The following DLAT variants were observed in gnomAD, a reference collection of about 807,000 sequenced individuals.
DLAT encodes dihydrolipoyllysine-residue acetyltransferase component of pyruvate dehydrogenase complex, mitochondrial.
DLAT carries 43 observed loss-of-function variants against 68.0 expected under a neutral mutation model. The observed-to-expected ratio is 0.63, with a 90% confidence interval of 0.50 to 0.81. The LOEUF (loss-of-function observed/expected upper bound fraction) is 0.81. DLAT is among the 40% of genes least tolerant of loss of function. The probability of loss-of-function intolerance (pLI) is 0.00; values close to 1 mark genes in which losing one functional copy is unlikely to be tolerated. For missense variants in DLAT, 745 were observed against 815.4 expected (o/e 0.91, Z 1.05); for synonymous variants, 265 against 288.6 (o/e 0.92, Z 0.83).
At chr11:112,043,596 A>G in intron 8 of DLAT, 63 bp downstream of exon 8, 1 of 1,341,722 alleles carries the variant, frequency 7.5e-7, no homozygotes, top group Non-Finnish European at 1.1e-6. Context: ...AGACCATTTC[A>G]TACATTATTT....
intron 12 of DLAT, 32 bp downstream of exon 12, chr11:112,060,097 T>G: frequency 6.3e-7 from 1 of 1,598,004 alleles, no homozygotes; most frequent in Non-Finnish European, 8.6e-7. Context: ...TCTAATTATG[T>G]TATTTTTAAG....
In DLAT at chr11:112,045,205, A is replaced by G. The variant is rs199838714; in HGVS notation, c.1265A>G (p.Asp422Gly). 1 of 1,614,140 alleles carries G rather than the reference A, an allele frequency of 6.2e-7. No homozygotes were observed. The highest frequency in any genetic ancestry group is 1.3e-5 in the African/African-American group (1 of 75,050). Residue 422 changes from aspartate to glycine, a missense_variant, in exon 9 of 14, where the codon GAT (aspartate) becomes GGT (glycine). Physicochemically the swap from Asp to Gly is moderately conservative, Grantham distance 94 (BLOSUM62 -1). Coordinates refer to ENST00000280346, the MANE Select transcript of DLAT (RefSeq NM_001931.5). ...CCAGTTCCTACAGGTGTCTTCACAGATATCCCAATCAGCAACATTCGTCGG... is the reference window on the plus strand; with the variant it reads ...CCAGTTCCTACAGGTGTCTTCACAGGTATCCCAATCAGCAACATTCGTCGG... Reference protein sequence around the residue: ...MAPVPTGVFTDIPISNIRRVI... With the variant: ...MAPVPTGVFTGIPISNIRRVI...
At chr11:112,052,630 C>A (rs1351825931) in intron 11 of DLAT, among the ~76,000 whole-genome samples, 12 of 152,126 alleles carry the variant, frequency 7.9e-5, no homozygotes, top group African/African-American at 2.9e-4. Flanking sequence ...TCCAGCACTT[C>A]CACAGTTCAG....
intron 3 of DLAT, 68 bp downstream of exon 3, chr11:112,028,707 T>A (rs1201045399): frequency 6.2e-7 from 1 of 1,613,908 alleles, no homozygotes; most frequent in African/African-American, 1.3e-5. Flanking sequence ...GAATTGAGAA[T>A]TAGGAGTTAA....
At chr11:112,047,166 C>T (rs1220241587) in intron 10 of DLAT, among the ~76,000 whole-genome samples, 4 of 152,102 alleles carry the variant, frequency 2.6e-5, no homozygotes, top group East Asian at 1.9e-4. Flanking sequence ...TTGTAACTGG[C>T]GTGAGATGGT....
At chr11:112,031,876 G>A (rs1862417501) in intron 4 of DLAT, among the ~76,000 whole-genome samples, 1 of 136,650 alleles carries the variant, frequency 7.3e-6, no homozygotes, top group Non-Finnish European at 1.5e-5. Context: ...CACCATGCTG[G>A]TCTTTCCTGT....
chr11:112,054,394 T>C (rs1463656286), intron 11 of DLAT, among the ~76,000 whole-genome samples: 2 of 152,158 alleles, frequency 1.3e-5, no homozygotes, highest in Admixed American at 1.3e-4. Context: ...GTGTCCAGTG[T>C]TAATATTTGA....
chr11:112,059,511 G>A lies in DLAT; in HGVS notation c.1515-392G>A, dbSNP rs2135152888. 2.0e-5 allele frequency among the ~76,000 whole-genome samples: 3 copies of A among 152,176 alleles called. 1 individual carries two copies. Among genetic ancestry groups the A allele is most frequent in the Admixed American group, 2.0e-4 (3 of 15,276 alleles). ...AGGTTCAAGTGGTTCTCCTGCCTCA[G>A]CCTCCTGAGTAGCTGGCACTACAGC... On this transcript the variant is annotated intron_variant, in intron 11 of 13. Coordinates refer to ENST00000280346, the MANE Select transcript of DLAT (RefSeq NM_001931.5).
At position 112,061,162 on chromosome 11, in the gene DLAT, A is replaced by C. The variant is rs1864595131; in HGVS notation, c.1802A>C (p.Asp601Ala). The C allele has an allele frequency of 2.5e-6, 4 of 1,614,162 alleles. No homozygotes were observed. The highest frequency in any genetic ancestry group is 3.4e-6 in the Non-Finnish European group (4 of 1,180,020). The change falls in exon 13 of 14, where the codon GAT (aspartate) becomes GCT (alanine). Residue 601 changes from aspartate to alanine, a missense_variant. Asp to Ala is a moderately radical substitution (Grantham distance 126, BLOSUM62 -2). Coordinates refer to ENST00000280346, the MANE Select transcript of DLAT (RefSeq NM_001931.5). Reference protein sequence around the residue: ...GASEDKLVPADNEKGFDVASM... With the variant: ...GASEDKLVPAANEKGFDVASM... ...TCAGAGGATAAACTGGTCCCTGCAG[A>C]TAATGAAAAAGGGTAAGTGCCAAAA...
At chr11:112,045,299 GT>G in intron 9 of DLAT, 69 bp downstream of exon 9, 1 of 1,268,806 alleles carries the variant, frequency 7.9e-7, no homozygotes, top group Non-Finnish European at 1.2e-6. Context: ...TGCTTCCATA[GT>G]TTTTAACACA....
chr11:112,045,041 CAAAAAA>C, intron 8 of DLAT, 91 bp from the exon 9 acceptor site: 2 of 789,280 alleles, frequency 2.5e-6, no homozygotes, highest in Non-Finnish European at 2.1e-6. Context: ...TCTCAAAAGA[CAAAAAA>C]AAAAAACTGC....
chr11:112,039,413 T>C lies in DLAT; in HGVS notation c.1129+16T>C. On this transcript the variant is annotated intron_variant, in intron 7 of 13. Coordinates refer to ENST00000280346, the MANE Select transcript of DLAT (RefSeq NM_001931.5). ...CAAGTAAAAGGTAAATCTGTTTCTA[T>C]AGAATGGACTTTATAAAGTTAAAAT... The C allele has an allele frequency of 1.9e-6, 3 of 1,613,490 alleles. No individual in the cohort carries two copies. The highest frequency in any genetic ancestry group is 1.3e-5 in the African/African-American group (1 of 75,032).
chr11:112,030,541 A>G (rs1267648368), intron 4 of DLAT, among the ~76,000 whole-genome samples: 2 of 152,232 alleles, frequency 1.3e-5, no homozygotes, highest in Non-Finnish European at 1.5e-5. Flanking sequence ...AAGTAGTCCA[A>G]TAGTATTAAT....
intron 11 of DLAT, among the ~76,000 whole-genome samples, chr11:112,059,113 G>A (rs1367649456): frequency 6.6e-6 from 1 of 151,038 alleles, no homozygotes; most frequent in Non-Finnish European, 1.5e-5. Flanking sequence ...CACCACCCAT[G>A]TATCCTGAGC....
intron 11 of DLAT, among the ~76,000 whole-genome samples, chr11:112,053,916 G>T (rs1555182229): frequency 6.6e-6 from 1 of 151,900 alleles, no homozygotes; most frequent in African/African-American, 2.4e-5. Flanking sequence ...CCAGTCTTGG[G>T]ACTAGAGAGA....
At chr11:112,060,158 ATT>A (rs782188808) in intron 12 of DLAT, 93 bp downstream of exon 12, 29,376 of 547,196 alleles carry the variant, frequency 0.054, 34 homozygotes, top group African/African-American at 0.1. Flanking sequence ...CTGTCACGTA[ATT>A]TTTTTTTTTT....
At chr11:112,054,482 CT>C (rs1430882780) in intron 11 of DLAT, among the ~76,000 whole-genome samples, 12 of 152,056 alleles carry the variant, frequency 7.9e-5, no homozygotes, top group Admixed American at 7.2e-4. Context: ...TTAATAATTG[CT>C]TTAGGGAAGG....
chr11:112,057,012 T>C (rs1864134227), intron 11 of DLAT, among the ~76,000 whole-genome samples: 2 of 152,254 alleles, frequency 1.3e-5, no homozygotes, highest in Admixed American at 6.5e-5. Context: ...GTGTCACATT[T>C]TGGCAATTCC....
chr11:112,052,001 A>G (rs782064026), intron 11 of DLAT, among the ~76,000 whole-genome samples: 8 of 152,206 alleles, frequency 5.3e-5, no homozygotes, highest in Non-Finnish European at 1.2e-4. Flanking sequence ...CTAGATAAAG[A>G]AACAGACTCC....
Sources: allele counts gnomAD v4.1 joint callset (sites outside exome capture counted in the v4.1 genomes callset), GRCh38; gene constraint gnomAD v4.1.1; transcripts MANE v1.5; gene names NCBI Gene and HGNC (gene_info 2026-07-23, HGNC 2026-07-21).